The following ATP8A2 variants were observed in gnomAD, a reference collection of about 807,000 sequenced individuals.
ATP8A2 encodes phospholipid-transporting ATPase IB.
In ATP8A2, 100 loss-of-function variants were observed where a neutral mutation model predicts 165.6. The ratio of observed to expected loss-of-function variants is 0.60; its 90% CI spans 0.51 to 0.71. The LOEUF is 0.71. Among genes scored for constraint, ATP8A2 ranks in the 30% least tolerant of loss-of-function variants. The pLI is 0.00. For missense variants in ATP8A2, 1,227 were observed against 1,479.5 expected, an observed-to-expected ratio of 0.83 and a Z score of 2.80; for synonymous variants, 543 against 548.8, an observed-to-expected ratio of 0.99 and a Z score of 0.15.
At chr13:25,857,359 T>G (rs1952197517) in intron 30 of ATP8A2, among the ~76,000 whole-genome samples, 1 of 152,082 alleles carries the variant, frequency 6.6e-6, no homozygotes, top group Non-Finnish European at 1.5e-5. Flanking sequence ...TTACTCTACC[T>G]TATAGCTCCT....
chr13:25,897,438 C>T (rs1437669581), intron 33 of ATP8A2, among the ~76,000 whole-genome samples: 3 of 151,970 alleles, frequency 2.0e-5, no homozygotes, highest in Non-Finnish European at 4.4e-5. Context: ...GTGGGCAACC[C>T]GACCTTTCTC....
At chr13:25,721,121 C>CATT (rs1238309360) in intron 25 of ATP8A2, among the ~76,000 whole-genome samples, 72 of 151,044 alleles carry the variant, frequency 4.8e-4, no homozygotes, top group Admixed American at 1.1e-3. Flanking sequence ...ACAAATGGCT[C>CATT]ATTATTATTA....
intron 25 of ATP8A2, among the ~76,000 whole-genome samples, chr13:25,768,754 G>A (rs181971750): frequency 6.6e-6 from 1 of 152,292 alleles, no homozygotes; most frequent in East Asian, 1.9e-4. Context: ...ATTCAGCAGG[G>A]CACACGTACC....
At chr13:25,613,202 T>C (rs1014218491) in intron 24 of ATP8A2, among the ~76,000 whole-genome samples, 1 of 152,248 alleles carries the variant, frequency 6.6e-6, no homozygotes, top group Non-Finnish European at 1.5e-5. Flanking sequence ...ATTGTGTTAC[T>C]GTTTGATAGG....
Position 25,972,227 on chromosome 13 carries a change from T to C in ATP8A2, c.3377+3548T>C, listed in dbSNP as rs1485025698. On this transcript the variant is annotated intron_variant, in intron 35 of 36. Coordinates refer to ENST00000381655, the MANE Select transcript of ATP8A2 (RefSeq NM_016529.6). ...AATAAAATATTTTCATCCAACATTT[T>C]ATTGAACTTGTCTAAGCCTCATACT... Among the ~76,000 whole-genome samples, 5 of 152,368 alleles carry C rather than the reference T, an allele frequency of 3.3e-5. No homozygotes were observed. The East Asian group carries it at 9.6e-4, about 29-fold the overall frequency.
chr13:25,377,374 CATT>C (rs1355707505), intron 1 of ATP8A2, among the ~76,000 whole-genome samples: 1 of 152,214 alleles, frequency 6.6e-6, no homozygotes, highest in East Asian at 1.9e-4. Context: ...TTCTCCCCAT[CATT>C]ATCAAGGGCA....
intron 16 of ATP8A2, chr13:25,567,118 T>G: frequency 3.2e-6 from 1 of 313,448 alleles, no homozygotes; most frequent in Non-Finnish European, 6.3e-6. Context: ...TTCTAGTGTT[T>G]GAAAGATTTC....
chr13:25,662,862 C>A (rs1225323418), intron 24 of ATP8A2, among the ~76,000 whole-genome samples: 1 of 152,146 alleles, frequency 6.6e-6, no homozygotes, highest in Admixed American at 6.5e-5. Flanking sequence ...TCAATGAGAT[C>A]TTTATATGCA....
intron 25 of ATP8A2, among the ~76,000 whole-genome samples, chr13:25,715,425 C>G (rs915394577): frequency 6.6e-6 from 1 of 152,182 alleles, no homozygotes; most frequent in African/African-American, 2.4e-5. Flanking sequence ...GTATAACTAT[C>G]ACTACTACAT....
chr13:25,912,187 CACACACACAG>C (rs200893362), intron 33 of ATP8A2, among the ~76,000 whole-genome samples: 9,164 of 150,194 alleles, frequency 0.061, 378 homozygotes, highest in East Asian at 0.17. Context: ...CACACACACA[CACACACACAG>C]TGGAATAGTC....
chr13:25,603,199 G>C (rs2040432030), intron 24 of ATP8A2, among the ~76,000 whole-genome samples: 1 of 151,852 alleles, frequency 6.6e-6, no homozygotes, highest in African/African-American at 2.4e-5. Context: ...CCATTAAAAG[G>C]AGTCTTGGCT....
At chr13:25,573,513 T>C (rs1012466569) in intron 18 of ATP8A2, among the ~76,000 whole-genome samples, 14 of 152,218 alleles carry the variant, frequency 9.2e-5, no homozygotes, top group African/African-American at 3.1e-4. Context: ...TCTCAAATTA[T>C]AGGTTTTGCA....
At chr13:25,885,388 C>T (rs746598071) in intron 33 of ATP8A2, among the ~76,000 whole-genome samples, 85 of 152,090 alleles carry the variant, frequency 5.6e-4, no homozygotes, top group Non-Finnish European at 1.2e-3. Context: ...GCTGGGATTA[C>T]AGGCATGAGC....
chr13:25,782,693 T>A (rs2044912028), intron 27 of ATP8A2, among the ~76,000 whole-genome samples: 1 of 152,338 alleles, frequency 6.6e-6, no homozygotes, highest in East Asian at 1.9e-4. Context: ...ACCTAATGCA[T>A]TGTAAATGCT....
intron 25 of ATP8A2, among the ~76,000 whole-genome samples, chr13:25,703,115 C>G (rs933726729): frequency 1.3e-5 from 2 of 152,146 alleles, no homozygotes; most frequent in African/African-American, 4.8e-5. Context: ...GAGACTCGCT[C>G]TGTTGCCAGG....
At chr13:25,779,896 A>G (rs548137136) in intron 27 of ATP8A2, among the ~76,000 whole-genome samples, 1 of 152,324 alleles carries the variant, frequency 6.6e-6, no homozygotes, top group African/African-American at 2.4e-5. Flanking sequence ...GTATCTCCTA[A>G]GGAGAGGGAT....
At chr13:25,740,892 A>G (rs557085049) in intron 25 of ATP8A2, among the ~76,000 whole-genome samples, 1 of 152,276 alleles carries the variant, frequency 6.6e-6, no homozygotes, top group South Asian at 2.1e-4. Flanking sequence ...GTTATCTCAA[A>G]AGGCTGAAAA....
chr13:25,949,697 CCAG>C (rs1955301835), intron 33 of ATP8A2, among the ~76,000 whole-genome samples: 1 of 152,196 alleles, frequency 6.6e-6, no homozygotes, highest in Non-Finnish European at 1.5e-5. Flanking sequence ...TCCCGTGGCT[CCAG>C]CTGGACAATT....
intron 2 of ATP8A2, among the ~76,000 whole-genome samples, chr13:25,496,717 T>TA (rs901099306): frequency 1.5e-4 from 23 of 152,160 alleles, no homozygotes; most frequent in African/African-American, 4.6e-4. Flanking sequence ...CCCAGGATTT[T>TA]AAAAAAAGTC....
Sources: allele counts gnomAD v4.1 joint callset (sites outside exome capture counted in the v4.1 genomes callset), GRCh38; gene constraint gnomAD v4.1.1; transcripts MANE v1.5; gene names NCBI Gene and HGNC (gene_info 2026-07-23, HGNC 2026-07-21).